The following ZNF704 variants were observed in gnomAD, a reference collection of about 807,000 sequenced individuals.
The protein encoded by ZNF704 is glucocorticoid induced gene 1.
In ZNF704, 10 loss-of-function variants were observed where a neutral mutation model predicts 44.7. The ratio of observed to expected loss-of-function variants is 0.22; its 90% CI spans 0.14 to 0.38. The LOEUF (loss-of-function observed/expected upper bound fraction) is 0.38. ZNF704 is among the 10% of genes least tolerant of loss of function. The pLI is 1.00. For missense variants in ZNF704, 390 were observed against 545.5 expected (o/e 0.71, Z 2.84); for synonymous variants, 211 against 207.6 (o/e 1.02, Z -0.14).
chr8:80,824,105 T>G (rs997168751), intron 1 of ZNF704, among the ~76,000 whole-genome samples: 1 of 152,110 alleles, frequency 6.6e-6, no homozygotes, highest in East Asian at 1.9e-4. Context: ...AGGCTTCAGA[T>G]GATTGGTAGT....
intron 1 of ZNF704, among the ~76,000 whole-genome samples, chr8:80,851,876 A>C (rs1448337538): frequency 6.6e-6 from 1 of 152,200 alleles, no homozygotes; most frequent in Non-Finnish European, 1.5e-5. Flanking sequence ...GTTTAAGGAA[A>C]AGGCATGAGA....
chr8:80,733,547 T>C (rs977422628), intron 2 of ZNF704, among the ~76,000 whole-genome samples: 1 of 152,228 alleles, frequency 6.6e-6, no homozygotes, highest in Admixed American at 6.5e-5. Context: ...ACTTCACTCT[T>C]ATTCCTGGCA....
chr8:80,652,229 T>C (rs1162979655), intron 7 of ZNF704, among the ~76,000 whole-genome samples: 2 of 151,754 alleles, frequency 1.3e-5, no homozygotes, highest in Admixed American at 6.6e-5. Context: ...AGATCTAAAA[T>C]TGACACCCTA....
intron 4 of ZNF704, chr8:80,673,428 CAT>C (rs1460425624): frequency 2.0e-5 from 3 of 152,210 alleles, no homozygotes; most frequent in South Asian, 2.1e-4. Flanking sequence ...AAGCTACTGA[CAT>C]GTGAGAAAAA....
chr8:80,793,939 T>G (rs779061791), intron 2 of ZNF704, among the ~76,000 whole-genome samples: 27 of 152,208 alleles, frequency 1.8e-4, no homozygotes, highest in Non-Finnish European at 2.9e-4. Flanking sequence ...ACTTGCTAAA[T>G]GTATTGAATG....
At chr8:80,838,362 A>G (rs1192474859) in intron 1 of ZNF704, among the ~76,000 whole-genome samples, 1 of 152,164 alleles carries the variant, frequency 6.6e-6, no homozygotes, top group Non-Finnish European at 1.5e-5. Flanking sequence ...CTCAAAAAAT[A>G]TATATTACAC....
chr8:80,758,065 T>C (rs1399070523), intron 2 of ZNF704, among the ~76,000 whole-genome samples: 1 of 152,218 alleles, frequency 6.6e-6, no homozygotes, highest in Non-Finnish European at 1.5e-5. Context: ...TGGCCTACTA[T>C]GGTGTTGTAT....
intron 1 of ZNF704, among the ~76,000 whole-genome samples, chr8:80,873,230 T>C (rs928275058): frequency 3.9e-5 from 6 of 151,990 alleles, no homozygotes; most frequent in Non-Finnish European, 8.8e-5. Flanking sequence ...CGTGGTCCCA[T>C]CACCCAAGTT....
At chr8:80,880,278 CT>C in the ZNF704 span, among the ~76,000 whole-genome samples, 1 of 152,334 alleles carries the variant, frequency 6.6e-6, no homozygotes, top group African/African-American at 2.4e-5. Flanking sequence ...TGAGCGGACA[CT>C]TGTGGCCAAG....
intron 2 of ZNF704, among the ~76,000 whole-genome samples, chr8:80,743,247 C>T (rs1208179646): frequency 7.0e-6 from 1 of 143,498 alleles, no homozygotes; most frequent in East Asian, 2.0e-4. Context: ...AAAACAACTC[C>T]ACATTAAAAA....
At chr8:80,796,094 A>G (rs1197048261) in intron 2 of ZNF704, among the ~76,000 whole-genome samples, 2 of 152,196 alleles carry the variant, frequency 1.3e-5, no homozygotes, top group Non-Finnish European at 2.9e-5. Context: ...CTTAGTCCAT[A>G]TTCTGTTGCT....
chr8:80,658,354 A>T (rs1818048439), intron 7 of ZNF704, among the ~76,000 whole-genome samples: 1 of 151,966 alleles, frequency 6.6e-6, no homozygotes, highest in South Asian at 2.1e-4. Context: ...AAATGTATCA[A>T]GAGCCACTCT....
intron 7 of ZNF704, among the ~76,000 whole-genome samples, chr8:80,648,600 A>G (rs1018458278): frequency 5.9e-5 from 9 of 152,212 alleles, no homozygotes; most frequent in African/African-American, 2.2e-4. Context: ...CTATATCTAC[A>G]TCTTACAGAT....
At chr8:80,758,723 A>G (rs1406148161) in intron 2 of ZNF704, among the ~76,000 whole-genome samples, 6 of 152,156 alleles carry the variant, frequency 3.9e-5, no homozygotes, top group Non-Finnish European at 5.9e-5. Flanking sequence ...ATCAATTCTA[A>G]AGCATACACT....
chr8:80,739,746 C>A (rs1465249836), intron 2 of ZNF704, among the ~76,000 whole-genome samples: 1 of 152,156 alleles, frequency 6.6e-6, no homozygotes, highest in Non-Finnish European at 1.5e-5. Flanking sequence ...GCTGGGCAAA[C>A]TGAATGCTAA....
intron 2 of ZNF704, among the ~76,000 whole-genome samples, chr8:80,697,698 G>A (rs932889568): frequency 2.0e-5 from 3 of 152,184 alleles, no homozygotes; most frequent in Non-Finnish European, 4.4e-5. Flanking sequence ...AAAAGTATAT[G>A]AGCACCAGCA....
At chr8:80,709,725 C>T (rs1407924610) in intron 2 of ZNF704, among the ~76,000 whole-genome samples, 3 of 151,908 alleles carry the variant, frequency 2.0e-5, no homozygotes, top group East Asian at 3.9e-4. Context: ...AAAAGGTTGC[C>T]CATTAGAGGG....
At chr8:80,792,338 T>C (rs543059851) in intron 2 of ZNF704, among the ~76,000 whole-genome samples, 25 of 152,296 alleles carry the variant, frequency 1.6e-4, no homozygotes, top group African/African-American at 4.8e-4. Context: ...TAATTAGGAA[T>C]ATTTCTTCTC....
intron 2 of ZNF704, among the ~76,000 whole-genome samples, chr8:80,757,646 C>T (rs894261959): frequency 6.6e-6 from 1 of 152,172 alleles, no homozygotes; most frequent in African/African-American, 2.4e-5. Context: ...ACTCACCCAG[C>T]ACAGCCCCCG....
Sources: gnomAD v4.1 joint callset for allele counts (sites outside exome capture counted in the v4.1 genomes callset) on GRCh38, gnomAD v4.1.1 for gene constraint, MANE v1.5 for transcripts, NCBI Gene and HGNC (gene_info 2026-07-23, HGNC 2026-07-21) for gene names.